CNTNAP2: variants seen among roughly 807,000 people sequenced by gnomAD.
The protein encoded by CNTNAP2 is contactin-associated protein-like 2.
CNTNAP2 carries 98 observed loss-of-function variants against 155.2 expected under a neutral mutation model. The ratio of observed to expected loss-of-function variants is 0.63; its 90% CI spans 0.54 to 0.75. CNTNAP2 has a LOEUF of 0.75. Ranked by LOEUF, CNTNAP2 falls within the 30% of genes least tolerant of loss-of-function variation. The pLI, the probability that CNTNAP2 is intolerant of heterozygous loss-of-function variation, is 0.00. For missense variants in CNTNAP2, 1,727 were observed against 1,688.1 expected (o/e 1.02, Z -0.40); for synonymous variants, 651 against 631.2 (o/e 1.03, Z -0.47).
chr7:148,078,573 C>T (rs1311619359), intron 15 of CNTNAP2, among the ~76,000 whole-genome samples: 1 of 151,964 alleles, frequency 6.6e-6, no homozygotes, highest in Admixed American at 6.6e-5. Flanking sequence ...TTCCACCTCC[C>T]AGGTTCAAAC....
At chr7:147,630,316 T>TTAAAA (rs1286214301) in intron 12 of CNTNAP2, among the ~76,000 whole-genome samples, 2 of 73,078 alleles carry the variant, frequency 2.7e-5, no homozygotes, top group African/African-American at 8.5e-5. Flanking sequence ...GAAACAGTAG[T>TTAAAA]AAAAAAAAAA....
chr7:146,429,028 G>A (rs192212955), intron 1 of CNTNAP2, among the ~76,000 whole-genome samples: 14 of 152,116 alleles, frequency 9.2e-5, no homozygotes, highest in Admixed American at 3.3e-4. Context: ...AATATCAGAT[G>A]GTTGTAGGTG....
intron 9 of CNTNAP2, among the ~76,000 whole-genome samples, chr7:147,348,877 G>C (rs1795923583): frequency 6.6e-6 from 1 of 151,916 alleles, no homozygotes; most frequent in Non-Finnish European, 1.5e-5. Context: ...CTGTGTAAGT[G>C]TCAGGAATAG....
At chr7:147,818,039 C>A (rs1348517725) in intron 13 of CNTNAP2, among the ~76,000 whole-genome samples, 1 of 151,404 alleles carries the variant, frequency 6.6e-6, no homozygotes, top group African/African-American at 2.4e-5. Context: ...TTGGTAGTTA[C>A]AGAATTTTTC....
At chr7:146,608,224 C>T (rs757673784) in intron 1 of CNTNAP2, among the ~76,000 whole-genome samples, 3 of 152,154 alleles carry the variant, frequency 2.0e-5, no homozygotes, top group South Asian at 2.1e-4. Context: ...TGAAGATATT[C>T]GTGCAAATAT....
intron 10 of CNTNAP2, among the ~76,000 whole-genome samples, chr7:147,415,834 G>A (rs1333282459): frequency 1.3e-5 from 2 of 152,142 alleles, no homozygotes; most frequent in Non-Finnish European, 2.9e-5. Flanking sequence ...TGTAACAAGT[G>A]TGAACTGATT....
chr7:146,318,843 A>G (rs943890914), intron 1 of CNTNAP2, among the ~76,000 whole-genome samples: 1 of 152,214 alleles, frequency 6.6e-6, no homozygotes, highest in Non-Finnish European at 1.5e-5. Flanking sequence ...AATGTTATAT[A>G]TAATAATCTT....
chr7:147,429,020 T>C (rs1158871196), intron 10 of CNTNAP2, among the ~76,000 whole-genome samples: 1 of 152,118 alleles, frequency 6.6e-6, no homozygotes, highest in Non-Finnish European at 1.5e-5. Flanking sequence ...AGTGAGAATA[T>C]ACAATGTTTG....
chr7:148,249,783 A>G (rs1055259818), intron 20 of CNTNAP2, among the ~76,000 whole-genome samples: 7 of 152,144 alleles, frequency 4.6e-5, no homozygotes, highest in Admixed American at 2.6e-4. Flanking sequence ...CCGGTTTTTC[A>G]GAACCTCATG....
intron 2 of CNTNAP2, among the ~76,000 whole-genome samples, chr7:146,777,524 A>T (rs1326944451): frequency 6.6e-6 from 1 of 152,176 alleles, no homozygotes; most frequent in African/African-American, 2.4e-5. Context: ...CTCTCCAAGG[A>T]AAAACAAAAA....
At chr7:146,900,685 C>A (rs948605074) in intron 3 of CNTNAP2, among the ~76,000 whole-genome samples, 1 of 152,158 alleles carries the variant, frequency 6.6e-6, no homozygotes, top group South Asian at 2.1e-4. Context: ...TCCCCAGACT[C>A]CAATGAGGCA....
At chr7:146,658,634 G>A (rs1230563878) in intron 1 of CNTNAP2, among the ~76,000 whole-genome samples, 4 of 152,128 alleles carry the variant, frequency 2.6e-5, no homozygotes, top group Non-Finnish European at 4.4e-5. Context: ...GTAGTCTAAA[G>A]CAGAGAAGGC....
At chr7:148,170,832 G>T (rs538728259) in intron 17 of CNTNAP2, among the ~76,000 whole-genome samples, 3 of 152,290 alleles carry the variant, frequency 2.0e-5, no homozygotes, top group South Asian at 4.1e-4. Flanking sequence ...CTTTTCTTAA[G>T]ATAATAGAGT....
At chr7:148,210,204 G>A (rs1463273488) in intron 18 of CNTNAP2, among the ~76,000 whole-genome samples, 3 of 152,218 alleles carry the variant, frequency 2.0e-5, no homozygotes, top group Non-Finnish European at 4.4e-5. Context: ...CAAAAAGCGA[G>A]TTGGTGGCAA....
chr7:146,894,383 T>G (rs928530373), intron 3 of CNTNAP2, among the ~76,000 whole-genome samples: 7 of 152,184 alleles, frequency 4.6e-5, no homozygotes, highest in African/African-American at 1.7e-4. Context: ...CTTTTGCTCC[T>G]CTTCATCTGG....
chr7:147,124,164 A>G (rs1037611841), intron 6 of CNTNAP2, among the ~76,000 whole-genome samples: 1 of 152,232 alleles, frequency 6.6e-6, no homozygotes, highest in Non-Finnish European at 1.5e-5. Context: ...CACAGACTGC[A>G]TGAAAATTAG....
At chr7:147,379,915 CTCTT>C (rs1001345751) in intron 9 of CNTNAP2, among the ~76,000 whole-genome samples, 1 of 152,026 alleles carries the variant, frequency 6.6e-6, no homozygotes, top group African/African-American at 2.4e-5. Flanking sequence ...TTTCAGTGTT[CTCTT>C]TTTTTCTTGA....
At chr7:147,329,095 T>C (rs1320451488) in intron 9 of CNTNAP2, among the ~76,000 whole-genome samples, 3 of 151,866 alleles carry the variant, frequency 2.0e-5, no homozygotes, top group East Asian at 3.9e-4. Context: ...GAAAACATGA[T>C]AGGATTTCCA....
chr7:146,463,596 G>A (rs1047733947), intron 1 of CNTNAP2, among the ~76,000 whole-genome samples: 1 of 151,348 alleles, frequency 6.6e-6, no homozygotes, highest in African/African-American at 2.4e-5. Flanking sequence ...ACGTGCACAT[G>A]CATATATACA....
Sources: gnomAD v4.1 joint callset for allele counts (sites outside exome capture counted in the v4.1 genomes callset) on GRCh38, gnomAD v4.1.1 for gene constraint, MANE v1.5 for transcripts, NCBI Gene and HGNC (gene_info 2026-07-23, HGNC 2026-07-21) for gene names.